GRK6: variants seen among roughly 807,000 people sequenced by gnomAD.
The protein encoded by GRK6 is G protein-coupled receptor kinase 6.
In GRK6, 37 loss-of-function variants were observed where a neutral mutation model predicts 80.8. The observed-to-expected ratio is 0.46, with a 90% confidence interval of 0.35 to 0.60. The LOEUF (loss-of-function observed/expected upper bound fraction) is 0.60. Among genes scored for constraint, GRK6 ranks in the 20% least tolerant of loss-of-function variants. The pLI is 0.00. For missense variants in GRK6, 560 were observed against 784.6 expected (o/e 0.71, Z 3.42); for synonymous variants, 295 against 320.9 (o/e 0.92, Z 0.86).
chr5:177,434,842 G>T, intron 9 of GRK6, 60 bp from the exon 10 acceptor site: 1 of 1,595,760 alleles, frequency 6.3e-7, no homozygotes, highest in Non-Finnish European at 8.6e-7. Flanking sequence ...GGGGGGGCTG[G>T]CCCCTTCTGA....
intron 1 of GRK6, 93 bp from the exon 2 acceptor site, chr5:177,430,779 G>C: frequency 2.8e-6 from 3 of 1,083,282 alleles, no homozygotes; most frequent in South Asian, 2.7e-5. Flanking sequence ...GCTCTGCCTT[G>C]GCTGGGCCCT....
rs780323605 is a variant in GRK6 at position 177,432,772 on chromosome 5, G to A, written c.406G>A (p.Gly136Ser). ...GAACTGCACCCAGCGGCTGGAGCAG[G>A]GTCCCTGCAAAGACCTTTTCCAGGA... ...VTNCTQRLEQ[G>S]PCKDLFQELT... The change falls in exon 5 of 16, where the codon GGT (glycine) becomes AGT (serine). Residue 136 changes from glycine (G) to serine (S), a missense_variant. This residue lies in a region of GRK6 where 189 missense variants were observed against 230.2 expected (regional missense o/e 0.82). Coordinates refer to ENST00000355472, the MANE Select transcript of GRK6 (RefSeq NM_001004106.3). The A allele has an allele frequency of 6.2e-7, 1 of 1,612,408 alleles. No homozygotes were observed. The highest frequency in any genetic ancestry group is 1.3e-5 in the African/African-American group (1 of 74,932).
In GRK6 at chr5:177,441,675, T is replaced by C. The variant is rs115841717; in HGVS notation, c.1678-62T>C. 2.2e-3 allele frequency: 3,006 copies of C among 1,373,724 alleles called. 50 individuals are homozygous for C. The African/African-American group carries it at 0.038, about 17-fold the overall frequency. The allele number at this position is 1,373,724 out of a possible 1,614,324, so 85.1% of individuals were successfully genotyped here. ...CAGGGTCGGCCCCATGTGACGTCCC[T>C]CGTGGTTAATGGCACCTGCTCTGCC... On this transcript the variant is annotated intron_variant, in intron 15 of 15. Transcript: ENST00000355472.
At chr5:177,441,287 G>T in intron 15 of GRK6, 1 of 1,557,514 alleles carries the variant, frequency 6.4e-7, no homozygotes. Context: ...CTTGCTGCCT[G>T]GCCTCGGGGA....
intron 13 of GRK6, 106 bp downstream of exon 13, chr5:177,436,636 C>T (rs1764173090): frequency 1.9e-6 from 2 of 1,070,114 alleles, no homozygotes; most frequent in East Asian, 2.4e-5. Context: ...GCAGAAAAAA[C>T]AATCTAGTGG....
chr5:177,438,367 C>CA (rs1304022163), intron 13 of GRK6: 175 of 143,714 alleles, frequency 1.2e-3, no homozygotes, highest in Middle Eastern at 3.6e-3. Context: ...AACTTCATCT[C>CA]AAAAAAAAAA....
chr5:177,435,080 G>A lies in GRK6; in HGVS notation c.1016G>A (p.Gly339Asp), dbSNP rs778398556. 6.2e-7 allele frequency: 1 copy of A among 1,611,942 alleles called. No individual in the cohort carries two copies. The highest frequency in any genetic ancestry group is 8.5e-7 in the Non-Finnish European group (1 of 1,179,380). Residue 339 changes from glycine (G) to aspartate (D), a missense_variant, in exon 11 of 16, where the codon GGC (glycine) becomes GAC (aspartate). Around this residue, in one of 3 missense-constraint regions of GRK6, gnomAD observed 294 missense variants for 397.4 expected, o/e 0.74. Coordinates refer to ENST00000355472, the MANE Select transcript of GRK6 (RefSeq NM_001004106.3). ...DLGLAVHVPE[G>D]QTIKGRVGTV... ...GGACTAGCTGTGCATGTGCCCGAGGGCCAGACCATCAAAGGGCGTGTGGGC... is the reference window on the plus strand; with the variant it reads ...GGACTAGCTGTGCATGTGCCCGAGGACCAGACCATCAAAGGGCGTGTGGGC...
At chr5:177,436,334 T>TTGCCCCCCCCCCCCCCCCC in intron 12 of GRK6, 53 bp downstream of exon 12, 1 of 1,556,036 alleles carries the variant, frequency 6.4e-7, no homozygotes, top group Non-Finnish European at 8.8e-7. Flanking sequence ...GATGCACCTT[T>TTGCCCCCCCCCCCCCCCCC]CCCTCCCTCC....
chr5:177,431,020 C>G, intron 2 of GRK6, 53 bp downstream of exon 2: 1 of 1,490,842 alleles, frequency 6.7e-7, no homozygotes, highest in Non-Finnish European at 9.2e-7. Flanking sequence ...CTGCTGGGGC[C>G]GGGGGAGCCT....
intron 11 of GRK6, among the ~76,000 whole-genome samples, chr5:177,435,528 G>A (rs1376882438): frequency 1.3e-5 from 2 of 152,336 alleles, no homozygotes; most frequent in Non-Finnish European, 2.9e-5. Flanking sequence ...GGCTCTGCAG[G>A]CTCCGCCTCT....
At position 177,432,862 on chromosome 5, in the gene GRK6, G is replaced by C. The variant is rs1019595256; in HGVS notation, c.440+56G>C. On this transcript the variant is annotated intron_variant, in intron 5 of 15. Coordinates refer to ENST00000355472, the MANE Select transcript of GRK6 (RefSeq NM_001004106.3). ...TTATGCCCAGCGGAGGGGGCTTCTG[G>C]GGGCCAGGAAGACTGTGAACAGCTC... is the stretch of plus-strand genomic sequence containing the variant. 2.2e-6 allele frequency: 3 copies of C among 1,375,410 alleles called. No individual in the cohort carries two copies. In the African/African-American group the frequency reaches 4.3e-5, roughly 20 times the overall value. 85.2% of individuals were successfully genotyped at this position (1,375,410 alleles called of 1,614,324 possible).
rs998677194 is a variant in GRK6 at position 177,428,912 on chromosome 5, G to C, written c.53-1960G>C. 1.3e-5 allele frequency among the ~76,000 whole-genome samples: 2 copies of C among 152,116 alleles called. No individual in the cohort carries two copies. Among genetic ancestry groups the C allele is most frequent in the African/African-American group, 4.8e-5 (2 of 41,408 alleles). On this transcript the variant is annotated intron_variant, in intron 1 of 15. Coordinates refer to ENST00000355472, the MANE Select transcript of GRK6 (RefSeq NM_001004106.3). The surrounding 1 kb of genome is among the most constrained non-coding windows in gnomAD (Gnocchi z 4.1). Reference sequence around the variant, plus strand: ...TGAGCTTGAGGCTGGGGCCCCTGACGGCTTCTCAAGTGATCTGAGGCCCCA... The same window carrying C: ...TGAGCTTGAGGCTGGGGCCCCTGACCGCTTCTCAAGTGATCTGAGGCCCCA...
chr5:177,432,759 G>C lies in GRK6; in HGVS notation c.393G>C (p.Gln131His). ...VPRQLVTNCT[Q>H]RLEQGPCKDL... ...GGCAGCTGGTGACGAACTGCACCCAGCGGCTGGAGCAGGGTCCCTGCAAAG... is the reference window on the plus strand; with the variant it reads ...GGCAGCTGGTGACGAACTGCACCCACCGGCTGGAGCAGGGTCCCTGCAAAG... Residue 131 changes from glutamine to histidine, a missense_variant, in exon 5 of 16, where the codon CAG becomes CAC. Gln to His is a conservative substitution (Grantham distance 24). This residue lies in a region of GRK6 where 189 missense variants were observed against 230.2 expected (regional missense o/e 0.82). Transcript: ENST00000355472. The C allele has an allele frequency of 6.2e-7, 1 of 1,612,582 alleles. No homozygotes were observed. Among genetic ancestry groups the C allele is most frequent in the Non-Finnish European group, 8.5e-7 (1 of 1,179,564 alleles).
rs561956364 is a variant in GRK6, at chr5:177,442,103, C to T, written c.*313C>T. On this transcript the variant is annotated 3_prime_UTR_variant, in exon 16 of 16. Coordinates refer to ENST00000355472, the MANE Select transcript of GRK6 (RefSeq NM_001004106.3). ...TAATTCCCGCCGCAGACCTGGCGCC[C>T]CCGCCTTGGCTCCTGGGGGCAGCCA... The T allele has an allele frequency of 5.4e-6, 2 of 370,104 alleles. No homozygotes were observed. The highest frequency in any genetic ancestry group is 4.6e-5 in the South Asian group (1 of 21,742). 22.9% of individuals were successfully genotyped at this position (370,104 alleles called of 1,614,324 possible).
rs1312572054 is a variant in GRK6 at position 177,440,807 on chromosome 5, A to G, written c.1512A>G (p.Thr504=). ...AGGACTTCTACCAGAAGTTTGCCAC[A>G]GGCAGTGTGCCCATCCCCTGGCAGA... The part of the protein sequence containing the change: ...TDQDFYQKFA[T]GSVPIPWQNE... Residue 504 remains threonine, a synonymous_variant, in exon 14 of 16, where the codon ACA becomes ACG. Transcript: ENST00000355472. The G allele has an allele frequency of 6.2e-7, 1 of 1,614,018 alleles. No homozygotes were observed. Among genetic ancestry groups the G allele is most frequent in the Non-Finnish European group, 8.5e-7 (1 of 1,180,036 alleles).
At chr5:177,426,185 G>A (rs886223812), upstream of GRK6, among the ~76,000 whole-genome samples, 2 of 152,318 alleles carry the variant, frequency 1.3e-5, no homozygotes, top group South Asian at 2.1e-4. Flanking sequence ...AAACAAACTC[G>A]CTGCCAGCCC....
At chr5:177,440,670 C>A in intron 13 of GRK6, 30 bp from the exon 14 acceptor site, 1 of 1,611,190 alleles carries the variant, frequency 6.2e-7, no homozygotes, top group East Asian at 2.2e-5. Context: ...GTGTGTGTTT[C>A]CTATCTGACC....
At chr5:177,433,730 G>T (rs556186690) in intron 8 of GRK6, 54 bp downstream of exon 8, 1 of 1,598,688 alleles carries the variant, frequency 6.3e-7, no homozygotes, top group Non-Finnish European at 8.6e-7. Context: ...CGCACCGACC[G>T]TCCCCACCCC....
Position 177,433,339 on chromosome 5 carries a change from T to A in GRK6, c.534-8T>A, listed in dbSNP as rs1296604927. 1 of 1,613,912 alleles carries A rather than the reference T, an allele frequency of 6.2e-7. No homozygotes were observed. The highest frequency in any genetic ancestry group is 8.5e-7 in the Non-Finnish European group (1 of 1,179,916). On this transcript the variant is annotated splice_region_variant and splice_polypyrimidine_tract_variant and intron_variant, in intron 6 of 15. Transcript: ENST00000355472. ...AGCCAGCGTTTGCTTCCCCACCCCT[T>A]GCCACAGGCAGCCAGTGACCAAAAA...
Sources: allele counts gnomAD v4.1 joint callset (sites outside exome capture counted in the v4.1 genomes callset), GRCh38; gene constraint gnomAD v4.1.1; regional missense constraint gnomAD v4.1.1; non-coding constraint Gnocchi (gnomAD v3.1); transcripts MANE v1.5; gene names NCBI Gene and HGNC (gene_info 2026-07-23, HGNC 2026-07-21).